The following CNTLN variants were observed in gnomAD, a reference collection of about 807,000 sequenced individuals.
CNTLN encodes the protein centlein, centrosomal protein.
A neutral mutation model predicts 180.0 loss-of-function variants in CNTLN; 212 were observed. The observed-to-expected ratio is 1.18, with a 90% confidence interval of 1.05 to 1.32. The LOEUF is 1.32. Ranked by LOEUF, CNTLN falls within the 40% of genes most tolerant of loss-of-function variation. CNTLN has a pLI of 0.00. For missense variants in CNTLN, 2,095 were observed against 1,610.9 expected (o/e 1.30, Z -5.14); for synonymous variants, 722 against 563.1 (o/e 1.28, Z -3.99).
rs532646353 is a variant in CNTLN at position 17,463,523 on chromosome 9, A to G, written c.3404+510A>G. 5.9e-5 allele frequency among the ~76,000 whole-genome samples: 9 copies of G among 151,694 alleles called. No homozygotes were observed. In the East Asian group the frequency reaches 1.7e-3, roughly 29 times the overall value. On this transcript the variant is annotated intron_variant, in intron 20 of 25. Coordinates refer to ENST00000380647, the MANE Select transcript of CNTLN (RefSeq NM_017738.4). Reference sequence around the variant, plus strand: ...TTTCTGTATCTTTCAAAGCTACACTATTGCTTAGAAATAGTAAGATGTTTA... The same window carrying G: ...TTTCTGTATCTTTCAAAGCTACACTGTTGCTTAGAAATAGTAAGATGTTTA...
chr9:17,343,911 A>G (rs890280676), intron 12 of CNTLN, among the ~76,000 whole-genome samples: 1 of 152,162 alleles, frequency 6.6e-6, no homozygotes, highest in South Asian at 2.1e-4. Flanking sequence ...CCTATTCTAG[A>G]CATTGCATAT....
chr9:17,325,814 C>T (rs1037666665), intron 8 of CNTLN, among the ~76,000 whole-genome samples: 5 of 151,846 alleles, frequency 3.3e-5, no homozygotes, highest in African/African-American at 4.8e-5. Context: ...TTATTATCAT[C>T]ATTGCAATGT....
At chr9:17,331,605 T>G (rs1040930637) in intron 9 of CNTLN, among the ~76,000 whole-genome samples, 1 of 152,122 alleles carries the variant, frequency 6.6e-6, no homozygotes, top group East Asian at 1.9e-4. Flanking sequence ...TTTGTTTCTT[T>G]CCATTTTTTC....
chr9:17,386,052 C>T (rs1157448580), intron 13 of CNTLN, among the ~76,000 whole-genome samples: 2 of 151,976 alleles, frequency 1.3e-5, no homozygotes, highest in African/African-American at 4.8e-5. Context: ...CTTTCTTAAT[C>T]CCTCAAATTG....
intron 5 of CNTLN, among the ~76,000 whole-genome samples, chr9:17,269,465 A>T (rs1221951317): frequency 6.6e-6 from 1 of 151,874 alleles, no homozygotes; most frequent in Admixed American, 6.6e-5. Flanking sequence ...TATGTTTTCT[A>T]ATTTTTATTT....
At chr9:17,206,769 C>T (rs1030390808) in intron 2 of CNTLN, among the ~76,000 whole-genome samples, 1 of 152,196 alleles carries the variant, frequency 6.6e-6, no homozygotes, top group African/African-American at 2.4e-5. Flanking sequence ...CCCCTTTAGG[C>T]GTTCATCCAG....
chr9:17,346,465 G>C (rs1325779499), intron 12 of CNTLN, among the ~76,000 whole-genome samples: 1 of 152,194 alleles, frequency 6.6e-6, no homozygotes, highest in African/African-American at 2.4e-5. Context: ...GACACAGCTA[G>C]ACCATATCAC....
At chr9:17,217,086 C>T (rs533298002) in intron 2 of CNTLN, among the ~76,000 whole-genome samples, 10 of 152,202 alleles carry the variant, frequency 6.6e-5, no homozygotes, top group African/African-American at 2.2e-4. Context: ...TGAAGAATCA[C>T]ATTCAAACTT....
chr9:17,462,924 T>C lies in CNTLN; in HGVS notation c.3315T>C (p.Thr1105=). 2 of 1,541,790 alleles carry C rather than the reference T, an allele frequency of 1.3e-6. No individual in the cohort carries two copies. Among genetic ancestry groups the C allele is most frequent in the East Asian group, 2.4e-5 (1 of 41,430 alleles). Reference sequence around the variant, plus strand: ...TTCTATTTTTAATCTAGAATGCTACTAATGAACTCACTAAACAGTCATCAA... The same window carrying C: ...TTCTATTTTTAATCTAGAATGCTACCAATGAACTCACTAAACAGTCATCAA... ...KQLQYKLKNA[T]NELTKQSSNV... The change falls in exon 20 of 26, where the codon ACT becomes ACC. Residue 1105 remains threonine (T), a synonymous_variant. Coordinates refer to ENST00000380647, the MANE Select transcript of CNTLN (RefSeq NM_017738.4).
At chr9:17,362,856 TTAAGTA>T (rs1431139853) in intron 12 of CNTLN, among the ~76,000 whole-genome samples, 1 of 152,096 alleles carries the variant, frequency 6.6e-6, no homozygotes, top group Non-Finnish European at 1.5e-5. Flanking sequence ...ATCATCTACA[TTAAGTA>T]TTTCTCCTAA....
chr9:17,183,694 A>G (rs1821259008), intron 2 of CNTLN, among the ~76,000 whole-genome samples: 1 of 152,068 alleles, frequency 6.6e-6, no homozygotes, highest in Non-Finnish European at 1.5e-5. Flanking sequence ...TCAAAGGCAA[A>G]TGAACTAGAT....
At chr9:17,229,434 A>G (rs1339334647) in intron 3 of CNTLN, among the ~76,000 whole-genome samples, 1 of 152,048 alleles carries the variant, frequency 6.6e-6, no homozygotes, top group African/African-American at 2.4e-5. Context: ...TGATTGATTG[A>G]CTGATTTGTT....
intron 3 of CNTLN, among the ~76,000 whole-genome samples, chr9:17,229,705 A>C (rs1824692389): frequency 6.6e-6 from 1 of 152,154 alleles, no homozygotes; most frequent in South Asian, 2.1e-4. Flanking sequence ...GAATACTTTC[A>C]CAATAACATC....
chr9:17,335,563 T>C (rs1035407511), intron 10 of CNTLN, among the ~76,000 whole-genome samples: 4 of 152,168 alleles, frequency 2.6e-5, no homozygotes, highest in Non-Finnish European at 5.9e-5. Context: ...ATTGCAAAGA[T>C]CTTTGAGGAA....
chr9:17,491,279 G>A (rs1171747367), intron 25 of CNTLN, among the ~76,000 whole-genome samples: 1 of 152,010 alleles, frequency 6.6e-6, no homozygotes, highest in East Asian at 1.9e-4. Context: ...TTTCAGGTTT[G>A]GAGAATATGG....
At position 17,330,480 on chromosome 9, in the gene CNTLN, G is replaced by T. The variant is rs111902410; in HGVS notation, c.1342-152G>T. 5.5e-3 allele frequency: 2,423 copies of T among 442,348 alleles called. 65 individuals carry two copies. Among genetic ancestry groups the T allele is most frequent in the African/African-American group, 0.044 (2,151 of 48,780 alleles). The allele number at this position is 442,348 out of a possible 1,614,324, so 27.4% of individuals were successfully genotyped here. ...AAATACTATTCTATGGAATGAAAAGGTTCAGCTCCTGCTAGTTTATTATTA... is the reference window on the plus strand; with the variant it reads ...AAATACTATTCTATGGAATGAAAAGTTTCAGCTCCTGCTAGTTTATTATTA... On this transcript the variant is annotated intron_variant, in intron 8 of 25. Coordinates refer to ENST00000380647, the MANE Select transcript of CNTLN (RefSeq NM_017738.4).
chr9:17,185,102 C>T (rs10738472), intron 2 of CNTLN, among the ~76,000 whole-genome samples: 150,834 of 152,350 alleles, frequency 0.99, 74,671 homozygotes, highest in East Asian at 1. Context: ...TTTCATTATA[C>T]TGGAAAATAG....
chr9:17,440,788 A>G (rs914369267), intron 18 of CNTLN, among the ~76,000 whole-genome samples: 3 of 152,236 alleles, frequency 2.0e-5, no homozygotes, highest in Non-Finnish European at 4.4e-5. Flanking sequence ...CATATGTTAC[A>G]ATATGGATGA....
intron 6 of CNTLN, among the ~76,000 whole-genome samples, chr9:17,290,967 T>C (rs921746231): frequency 1.3e-5 from 2 of 152,086 alleles, no homozygotes; most frequent in African/African-American, 2.4e-5. Context: ...ATCACCCGTC[T>C]TCTGTGTCGC....
Sources: gnomAD v4.1 joint callset for allele counts (sites outside exome capture counted in the v4.1 genomes callset) on GRCh38, gnomAD v4.1.1 for gene constraint, MANE v1.5 for transcripts, NCBI Gene and HGNC (gene_info 2026-07-23, HGNC 2026-07-21) for gene names.